MMS19: variants seen among roughly 807,000 people sequenced by gnomAD.
MMS19 encodes the protein MMS19 nucleotide excision repair protein homolog.
In MMS19, 77 loss-of-function variants were observed where a neutral mutation model predicts 129.8. The observed-to-expected ratio is 0.59, with a 90% CI of 0.49 to 0.72. The LOEUF is 0.72. Among genes scored for constraint, MMS19 ranks in the 30% least tolerant of loss-of-function variants. The pLI is 0.00. For synonymous variants in MMS19, 491 were observed against 502.8 expected (o/e 0.98, Z 0.31); for missense variants, 1,168 against 1,266.3 (o/e 0.92, Z 1.18).
chr10:97,467,605 T>C (rs1242000293), intron 13 of MMS19, 22 bp from the exon 14 acceptor site: 1 of 1,608,786 alleles, frequency 6.2e-7, no homozygotes, highest in Non-Finnish European at 8.5e-7. Flanking sequence ...CAAGGGGTAC[T>C]AGAGTCAAAG....
At chr10:97,480,685 G>A (rs562029998) in intron 3 of MMS19, among the ~76,000 whole-genome samples, 6 of 152,214 alleles carry the variant, frequency 3.9e-5, no homozygotes, top group South Asian at 2.1e-4. Flanking sequence ...GGGTTCAAGC[G>A]ATTCCTGCCT....
intron 18 of MMS19, among the ~76,000 whole-genome samples, chr10:97,465,034 A>T (rs1167945504): frequency 3.4e-5 from 5 of 145,650 alleles, no homozygotes; most frequent in African/African-American, 5.1e-5. Flanking sequence ...TTTGAGATGG[A>T]GTTTCACCCT....
chr10:97,475,211 AGTG>A (rs1383290150), intron 8 of MMS19, among the ~76,000 whole-genome samples: 1 of 150,888 alleles, frequency 6.6e-6, no homozygotes, highest in East Asian at 2.0e-4. Context: ...GTACAGGAGA[AGTG>A]TGTGTGTGTG....
At chr10:97,484,789 T>TA (rs2037521828) in intron 1 of MMS19, among the ~76,000 whole-genome samples, 1 of 152,098 alleles carries the variant, frequency 6.6e-6, no homozygotes, top group Non-Finnish European at 1.5e-5. Flanking sequence ...TGGTGGCATG[T>TA]GCCTGTGGTC....
At chr10:97,464,042 G>C in intron 18 of MMS19, 29 bp from the exon 19 acceptor site, 1 of 1,598,788 alleles carries the variant, frequency 6.3e-7, no homozygotes, top group South Asian at 1.1e-5. Flanking sequence ...TCTCTGTAAG[G>C]TTTGCTTAAA....
intron 1 of MMS19, among the ~76,000 whole-genome samples, chr10:97,494,094 G>C (rs984383656): frequency 6.6e-6 from 1 of 152,216 alleles, no homozygotes; most frequent in Non-Finnish European, 1.5e-5. Flanking sequence ...GGACTCCTGG[G>C]ATGAAGAAAG....
chr10:97,496,766 G>A (rs1392227412), intron 1 of MMS19, among the ~76,000 whole-genome samples: 1 of 152,104 alleles, frequency 6.6e-6, no homozygotes, highest in Non-Finnish European at 1.5e-5. Context: ...TACACTTAAA[G>A]GTTTATATAT....
In MMS19 at chr10:97,459,835, C is replaced by T; in HGVS notation, c.2657-94G>A. ...TCTGTGGTGAGGCTGAGACATCAGC[C>T]TACAAACGGGTGAAAGAGCCCTTCA... is the stretch of plus-strand genomic sequence containing the variant. On this transcript the variant is annotated intron_variant, in intron 26 of 30. Transcript: ENST00000438925. 3 of 1,125,304 alleles carry T rather than the reference C, an allele frequency of 2.7e-6. No homozygotes were observed. The South Asian group carries it at 4.2e-5, about 16-fold the overall frequency. 69.7% of individuals were successfully genotyped at this position (1,125,304 alleles called of 1,614,324 possible).
chr10:97,459,958 A>C, intron 26 of MMS19, 88 bp downstream of exon 26: 1 of 1,405,062 alleles, frequency 7.1e-7, no homozygotes, highest in Non-Finnish European at 9.9e-7. Flanking sequence ...AGCTCTAAAG[A>C]AGCAAGCGGG....
At chr10:97,474,966 AT>A (rs2035468927) in intron 8 of MMS19, among the ~76,000 whole-genome samples, 1 of 152,254 alleles carries the variant, frequency 6.6e-6, no homozygotes, top group South Asian at 2.1e-4. Context: ...AAATGCACAT[AT>A]TCTTTGACCT....
Position 97,463,866 on chromosome 10 carries a change from G to T in MMS19, c.1904C>A (p.Ser635Tyr). 6.2e-7 allele frequency: 1 copy of T among 1,610,702 alleles called. No individual in the cohort carries two copies. The highest frequency in any genetic ancestry group is 8.5e-7 in the Non-Finnish European group (1 of 1,178,576). Residue 635 changes from serine to tyrosine, a missense_variant, in exon 19 of 31, where the codon TCT (serine) becomes TAT (tyrosine). Transcript: ENST00000438925. ...PCLLALAVQA[S>Y]MPEKEPSVLR... ...GAGAGGTGGAAAGTTACCTGGCATAGAGGCCTGCACAGCCAAGGCAAGCAG... is the reference window on the plus strand; with the variant it reads ...GAGAGGTGGAAAGTTACCTGGCATATAGGCCTGCACAGCCAAGGCAAGCAG...
intron 23 of MMS19, 64 bp downstream of exon 23, chr10:97,461,432 T>G: frequency 5.8e-6 from 9 of 1,560,992 alleles, no homozygotes; most frequent in Non-Finnish European, 7.0e-6. Flanking sequence ...GAATGAGTAC[T>G]GAGCTATAAG....
In MMS19 at chr10:97,466,851, T is replaced by C; in HGVS notation, c.1348A>G (p.Met450Val). ...TGGGTGCTGGGGTCTGTTAGAGCCA[T>C]GAATACCAGTGAGCACAGCTGGTCC... The part of the protein sequence containing the change: ...FKDQLCSLVF[M>V]ALTDPSTQLQ... The change falls in exon 15 of 31, where the codon ATG becomes GTG. Residue 450 changes from methionine to valine, a missense_variant. Physicochemically the swap from Met to Val is conservative, Grantham distance 21 (BLOSUM62 1). Transcript: ENST00000438925. 6.2e-7 allele frequency: 1 copy of C among 1,614,012 alleles called. No homozygotes were observed. The highest frequency in any genetic ancestry group is 8.5e-7 in the Non-Finnish European group (1 of 1,179,892).
intron 8 of MMS19, among the ~76,000 whole-genome samples, chr10:97,475,134 G>A (rs1487500484): frequency 2.0e-5 from 3 of 152,166 alleles, no homozygotes; most frequent in African/African-American, 7.2e-5. Flanking sequence ...CATAAAGAAT[G>A]AAAGAGCTAA....
At chr10:97,472,655 G>T (rs2034969211) in intron 8 of MMS19, among the ~76,000 whole-genome samples, 2 of 151,860 alleles carry the variant, frequency 1.3e-5, no homozygotes, top group African/African-American at 2.4e-5. Flanking sequence ...TGTCTTCCAG[G>T]CTGGAGTGCA....
At chr10:97,463,161 CAG>C (rs1491548980) in intron 19 of MMS19, among the ~76,000 whole-genome samples, 16 of 143,106 alleles carry the variant, frequency 1.1e-4, no homozygotes, top group Non-Finnish European at 1.7e-4. Flanking sequence ...CCCTGTGAAA[CAG>C]TTTTTTTTTT....
At chr10:97,470,904 A>G (rs2034553546) in intron 8 of MMS19, 43 bp from the exon 9 acceptor site, 2 of 1,546,622 alleles carry the variant, frequency 1.3e-6, no homozygotes, top group Non-Finnish European at 8.9e-7. Context: ...AACATTTCAG[A>G]CCACCTTGAA....
chr10:97,461,768 T>G, intron 22 of MMS19, 60 bp downstream of exon 22: 1 of 1,566,412 alleles, frequency 6.4e-7, no homozygotes, highest in Non-Finnish European at 8.7e-7. Context: ...GTGGCAAATT[T>G]CAGCCCGGAG....
chr10:97,459,968 G>T, intron 26 of MMS19, 78 bp downstream of exon 26: 1 of 1,449,868 alleles, frequency 6.9e-7, no homozygotes, highest in African/African-American at 1.4e-5. Context: ...AAGCAAGCGG[G>T]CCCTAAATTA....
Sources: gnomAD v4.1 joint callset for allele counts (sites outside exome capture counted in the v4.1 genomes callset) on GRCh38, gnomAD v4.1.1 for gene constraint, MANE v1.5 for transcripts, NCBI Gene and HGNC (gene_info 2026-07-23, HGNC 2026-07-21) for gene names.